Variants in HDLBP observed in about 807,000 individuals in gnomAD.
The protein encoded by HDLBP is vigilin.
In HDLBP, 30 loss-of-function variants were observed where a neutral mutation model predicts 137.3. That is an observed-to-expected ratio of 0.22 (90% CI 0.16 to 0.30). The LOEUF is 0.30. Among genes scored for constraint, HDLBP ranks in the 10% least tolerant of loss-of-function variants. The pLI is 1.00. For synonymous variants in HDLBP, 606 were observed against 596.0 expected (o/e 1.02, Z -0.24); for missense variants, 1,119 against 1,667.3 (o/e 0.67, Z 5.73).
At chr2:241,268,567 GGA>G in intron 1 of HDLBP, 26 bp from the exon 2 acceptor site, 3 of 879,648 alleles carry the variant, frequency 3.4e-6, no homozygotes, top group Non-Finnish European at 4.1e-6. Context: ...AAGTGGGAGA[GGA>G]GAGAGAGGAA....
intron 1 of HDLBP, among the ~76,000 whole-genome samples, chr2:241,274,779 G>C (rs1425285264): frequency 6.6e-6 from 1 of 152,180 alleles, no homozygotes; most frequent in Non-Finnish European, 1.5e-5. Flanking sequence ...CTAATAAATA[G>C]TTCGTAGAAG....
At chr2:241,268,418 C>G (rs1431107089) in intron 2 of HDLBP, 59 bp downstream of exon 2, 1 of 967,744 alleles carries the variant, frequency 1.0e-6, no homozygotes, top group Non-Finnish European at 1.2e-6. Flanking sequence ...CGCATCCCTG[C>G]GCCCCCAGGT....
At chr2:241,269,965 T>G (rs2073936139) in intron 1 of HDLBP, among the ~76,000 whole-genome samples, 1 of 152,104 alleles carries the variant, frequency 6.6e-6, no homozygotes, top group African/African-American at 2.4e-5. Context: ...TGTCACTTCT[T>G]AAACCCAGAC....
Position 241,256,428 on chromosome 2 carries a change from A to G in HDLBP, c.658-29T>C. Reference sequence around the variant, plus strand: ...GAAAGGAAGGGATGATCTGATGAGAACAGGCCTTTGAAAACAAACTGGGGA... The same window carrying G: ...GAAAGGAAGGGATGATCTGATGAGAGCAGGCCTTTGAAAACAAACTGGGGA... On this transcript the variant is annotated intron_variant, in intron 6 of 27. Coordinates refer to ENST00000310931, the MANE Select transcript of HDLBP (RefSeq NM_005336.6). 4 of 1,574,034 alleles carry G rather than the reference A, an allele frequency of 2.5e-6. No individual in the cohort carries two copies. The South Asian group carries it at 3.5e-5, about 14-fold the overall frequency.
intron 1 of HDLBP, among the ~76,000 whole-genome samples, chr2:241,286,979 A>G (rs187542539): frequency 6.6e-6 from 1 of 151,182 alleles, no homozygotes; most frequent in East Asian, 1.9e-4. Flanking sequence ...TGTAGAATCC[A>G]GCCAGTCCCA....
intron 11 of HDLBP, among the ~76,000 whole-genome samples, chr2:241,251,691 T>C (rs1395503287): frequency 6.6e-6 from 1 of 152,224 alleles, no homozygotes; most frequent in African/African-American, 2.4e-5. Flanking sequence ...AAAAACATTC[T>C]TGGTTGGGCA....
At chr2:241,280,443 G>T (rs1271575833) in intron 1 of HDLBP, among the ~76,000 whole-genome samples, 1 of 152,070 alleles carries the variant, frequency 6.6e-6, no homozygotes, top group East Asian at 1.9e-4. Context: ...TGCAGTCCAG[G>T]GTTTCCTGTA....
rs934447153 is a variant in HDLBP, at chr2:241,238,065, G to T, written c.2749+584C>A. 1.3e-5 allele frequency among the ~76,000 whole-genome samples: 2 copies of T among 152,340 alleles called. No individual in the cohort carries two copies. Among genetic ancestry groups the T allele is most frequent in the Admixed American group, 1.3e-4 (2 of 15,306 alleles). The stretch of plus-strand genomic sequence containing the variant: ...GGCGGGCATCTGATAACACAGAGTG[G>T]AGGGCATACCTTTTGTTTCACAAAT... On this transcript the variant is annotated intron_variant, in intron 20 of 27. Coordinates refer to ENST00000310931, the MANE Select transcript of HDLBP (RefSeq NM_005336.6). This position sits in a 1 kb window ranked among gnomAD's most constrained non-coding sequence, Gnocchi z 4.9.
chr2:241,237,952 CAG>C (rs2070761466), intron 20 of HDLBP, among the ~76,000 whole-genome samples: 1 of 152,220 alleles, frequency 6.6e-6, no homozygotes, highest in African/African-American at 2.4e-5. Context: ...CCTGGATGCC[CAG>C]AGAGATGACA....
intron 16 of HDLBP, 123 bp downstream of exon 16, chr2:241,246,629 G>C: frequency 1.1e-6 from 1 of 938,016 alleles, no homozygotes; most frequent in South Asian, 1.6e-5. Context: ...GGATTGAAAG[G>C]TGCAATCTTC....
Position 241,239,510 on chromosome 2 carries a change from C to CATACAGTATGAG in HDLBP, c.2610+91_2610+92insCTCATACTGTAT. ...CTTCCAGGGCTGTATGAGGGAGTCA[C>CATACAGTATGAG]CTCCCTACAGGGTGGAGCGAACACT... On this transcript the variant is annotated intron_variant, in intron 19 of 27. Coordinates refer to ENST00000310931, the MANE Select transcript of HDLBP (RefSeq NM_005336.6). The surrounding 1 kb of genome is among the most constrained non-coding windows in gnomAD (Gnocchi z 4.6). The CATACAGTATGAG allele has an allele frequency of 9.7e-7, 1 of 1,029,994 alleles. No individual in the cohort carries two copies. 63.8% of individuals were successfully genotyped at this position (1,029,994 alleles called of 1,614,324 possible). A position where few individuals can be genotyped will look rare whatever the true frequency, so the allele number is the denominator to read the frequency against.
Position 241,263,245 on chromosome 2 carries a change from C to T in HDLBP, c.235-319G>A, listed in dbSNP as rs142686716. Reference sequence around the variant, plus strand: ...GACCCTGGGGACGGCCAGGAAACACCGTCCTGAAGCACGAGGCAGCTATCC... The same window carrying T: ...GACCCTGGGGACGGCCAGGAAACACTGTCCTGAAGCACGAGGCAGCTATCC... On this transcript the variant is annotated intron_variant, in intron 4 of 27. Transcript: ENST00000310931. Among the ~76,000 whole-genome samples the T allele has an allele frequency of 4.9e-3, 744 of 152,278 alleles. 5 individuals carry two copies. Among genetic ancestry groups the T allele is most frequent in the African/African-American group, 0.017 (701 of 41,550 alleles).
At chr2:241,247,208 T>C (rs1277028768) in intron 14 of HDLBP, 66 bp from the exon 15 acceptor site, 1 of 1,009,934 alleles carries the variant, frequency 9.9e-7, no homozygotes, top group African/African-American at 1.6e-5. Flanking sequence ...GTATCCCTTC[T>C]ACCCCTAAGG....
chr2:241,314,870 G>A (rs879933626), intron 1 of HDLBP, among the ~76,000 whole-genome samples: 1 of 152,114 alleles, frequency 6.6e-6, no homozygotes, highest in Non-Finnish European at 1.5e-5. Flanking sequence ...GGGAAACCTA[G>A]GAAGGCTTCC....
rs980294693 is a variant in HDLBP, at chr2:241,240,627, C to G, written c.2170-505G>C. The stretch of plus-strand genomic sequence containing the variant: ...CTTTCTTCCCACGAGTGCTACAGAT[C>G]AGCCTCCACAAAACCAGCCACTCCC... On this transcript the variant is annotated intron_variant, in intron 17 of 27. Coordinates refer to ENST00000310931, the MANE Select transcript of HDLBP (RefSeq NM_005336.6). The surrounding 1 kb of genome is among the most constrained non-coding windows in gnomAD (Gnocchi z 5.5). Among the ~76,000 whole-genome samples the G allele has an allele frequency of 1.3e-5, 2 of 152,180 alleles. No individual in the cohort carries two copies. Among genetic ancestry groups the G allele is most frequent in the Non-Finnish European group, 2.9e-5 (2 of 68,026 alleles).
intron 1 of HDLBP, among the ~76,000 whole-genome samples, chr2:241,309,239 C>T (rs1184040963): frequency 6.6e-6 from 1 of 152,166 alleles, no homozygotes; most frequent in Admixed American, 6.5e-5. Context: ...ATCTGCTGGT[C>T]TGCTGACTGC....
chr2:241,297,877 C>T (rs1299885780), intron 1 of HDLBP, among the ~76,000 whole-genome samples: 1 of 151,420 alleles, frequency 6.6e-6, no homozygotes, highest in Non-Finnish European at 1.5e-5. Flanking sequence ...GTGAAACCTT[C>T]TCTCTACTAA....
chr2:241,314,929 G>A (rs756720586), intron 1 of HDLBP, among the ~76,000 whole-genome samples: 9 of 152,168 alleles, frequency 5.9e-5, no homozygotes, highest in Non-Finnish European at 1.0e-4. Flanking sequence ...TCGAACAGTT[G>A]CAGTGCCTCC....
intron 1 of HDLBP, among the ~76,000 whole-genome samples, chr2:241,313,945 C>G (rs954736964): frequency 3.3e-5 from 5 of 152,204 alleles, no homozygotes; most frequent in Admixed American, 3.3e-4. Context: ...AGCTAAGTCC[C>G]TTCAACAGTG....
Sources: allele counts gnomAD v4.1 joint callset (sites outside exome capture counted in the v4.1 genomes callset), GRCh38; gene constraint gnomAD v4.1.1; non-coding constraint Gnocchi (gnomAD v3.1); transcripts MANE v1.5; gene names NCBI Gene and HGNC (gene_info 2026-07-23, HGNC 2026-07-21).